Variants in MEGF8 observed in about 807,000 individuals in gnomAD.
MEGF8 encodes the protein multiple EGF like domains 8, also known as multiple epidermal growth factor-like domains protein 8.
Under a neutral mutation model 302.9 loss-of-function variants are expected in MEGF8, and 156 were observed. The observed-to-expected ratio is 0.52, with a 90% CI of 0.45 to 0.59. The LOEUF (loss-of-function observed/expected upper bound fraction) is 0.59. Among genes scored for constraint, MEGF8 ranks in the 20% least tolerant of loss-of-function variants. The pLI is 0.00. For synonymous variants in MEGF8, 1,621 were observed against 1,660.5 expected, an observed-to-expected ratio of 0.98 and a Z score of 0.58; for missense variants, 3,345 against 3,964.5, an observed-to-expected ratio of 0.84 and a Z score of 4.20.
chr19:42,344,068 G>A lies in MEGF8; in HGVS notation c.1783G>A (p.Gly595Arg). 6.2e-7 allele frequency: 1 copy of A among 1,613,180 alleles called. No homozygotes were observed. Among genetic ancestry groups the A allele is most frequent in the Non-Finnish European group, 8.5e-7 (1 of 1,179,626 alleles). The change falls in exon 10 of 42, where the codon GGG becomes AGG. Residue 595 changes from glycine (G) to arginine (R), a missense_variant. By Grantham distance (125) the Gly-to-Arg change is moderately radical. Transcript: ENST00000251268. The surrounding 1 kb of genome is among the most constrained non-coding windows in gnomAD (Gnocchi z 4.5). Reference sequence around the variant, plus strand: ...TGCACCCCCTCCTGGGACCCCCTTGGGGGCTGTGAGTGACAGCCCTAGACC... The same window carrying A: ...TGCACCCCCTCCTGGGACCCCCTTGAGGGCTGTGAGTGACAGCCCTAGACC... ...QAAPPPGTPL[G>R]ACPAASCLGL...
intron 1 of MEGF8, among the ~76,000 whole-genome samples, chr19:42,328,590 G>GTGTGTGTGTGTGTGTGTGTGTGTGTGT (rs57025235): frequency 6.6e-6 from 1 of 151,684 alleles, no homozygotes; most frequent in African/African-American, 2.4e-5. Context: ...GTGTGTGTGT[G>GTGTGTGTGTGTGTGTGTGTGTGTGTGT]GCGAAGGGGT....
rs1301438913 is a variant in MEGF8, at chr19:42,349,576, C to A, written c.2376C>A (p.Phe792Leu). 6.2e-7 allele frequency: 1 copy of A among 1,611,980 alleles called. No individual in the cohort carries two copies. Residue 792 changes from phenylalanine (F) to leucine (L), a missense_variant, in exon 14 of 42, where the codon TTC becomes TTA. Physicochemically the swap from Phe to Leu is conservative, Grantham distance 22. Coordinates refer to ENST00000251268, the MANE Select transcript of MEGF8 (RefSeq NM_001271938.2). ...AGCGCCCTGGGTCTGCTCGCCTCTTCCCTCTGCCTGGGCGGGACCACAAGT... is the reference window on the plus strand; with the variant it reads ...AGCGCCCTGGGTCTGCTCGCCTCTTACCTCTGCCTGGGCGGGACCACAAGT... ...RLQRPGSARL[F>L]PLPGRDHKYA...
Position 42,352,199 on chromosome 19 carries a change from A to G in MEGF8, c.3102-9A>G. 1 of 1,507,684 alleles carries G rather than the reference A, an allele frequency of 6.6e-7. No individual in the cohort carries two copies. Among genetic ancestry groups the G allele is most frequent in the South Asian group, 1.3e-5 (1 of 78,432 alleles). The allele number at this position is 1,507,684 out of a possible 1,614,324, so 93.4% of individuals were successfully genotyped here. A position where few individuals can be genotyped will look rare whatever the true frequency, so the allele number is the denominator to read the frequency against. The stretch of plus-strand genomic sequence containing the variant: ...TTGTCCCCCGCTTCTTCACTCTCCC[A>G]CCCTGCAGGTGCCTACAGGGGGACT... On this transcript the variant is annotated splice_polypyrimidine_tract_variant and intron_variant, in intron 18 of 41. Transcript: ENST00000251268. The surrounding 1 kb of genome is among the most constrained non-coding windows in gnomAD (Gnocchi z 4.4).
In MEGF8 at chr19:42,369,516, A is replaced by C; in HGVS notation, c.6642-15A>C. 1 of 1,598,466 alleles carries C rather than the reference A, an allele frequency of 6.3e-7. No homozygotes were observed. The highest frequency in any genetic ancestry group is 8.5e-7 in the Non-Finnish European group (1 of 1,174,422). On this transcript the variant is annotated splice_polypyrimidine_tract_variant and intron_variant, in intron 37 of 41. Coordinates refer to ENST00000251268, the MANE Select transcript of MEGF8 (RefSeq NM_001271938.2). This position sits in a 1 kb window ranked among gnomAD's most constrained non-coding sequence, Gnocchi z 5.7. ...AGGGTGGCCACCTGCCCTGACCCCC[A>C]CTTTGCCCCTGCAGCATGACAGGGC...
Position 42,371,388 on chromosome 19 carries a change from A to C in MEGF8, c.7175A>C (p.Gln2392Pro), listed in dbSNP as rs1225341191. ...GGCCACGCGGACACATGTAACGAGC[A>C]GGATGGGACGGGCTGTCCATGTCAG... ...CNGHADTCNE[Q>P]DGTGCPCQNN... The change falls in exon 41 of 42, where the codon CAG (glutamine) becomes CCG (proline). Residue 2392 changes from glutamine to proline, a missense_variant. Coordinates refer to ENST00000251268, the MANE Select transcript of MEGF8 (RefSeq NM_001271938.2). 6.2e-7 allele frequency: 1 copy of C among 1,613,874 alleles called. No individual in the cohort carries two copies. The highest frequency in any genetic ancestry group is 8.5e-7 in the Non-Finnish European group (1 of 1,179,896).
In MEGF8 at chr19:42,325,869, A is replaced by C; in HGVS notation, c.-375A>C. 5.3e-6 allele frequency: 1 copy of C among 190,374 alleles called. No homozygotes were observed. The highest frequency in any genetic ancestry group is 1.1e-5 in the Non-Finnish European group (1 of 93,826). The allele number at this position is 190,374 out of a possible 1,614,324, so 11.8% of individuals were successfully genotyped here. A position where few individuals can be genotyped will look rare whatever the true frequency, so the allele number is the denominator to read the frequency against. ...CCGTAGAGCCCTTCGCCCCCTGGGG[A>C]CCCACCCGTCTATAAGGTCCGTTTG... is the stretch of plus-strand genomic sequence containing the variant. On this transcript the variant is annotated 5_prime_UTR_variant, in exon 1 of 42. Transcript: ENST00000251268.
intron 41 of MEGF8, among the ~76,000 whole-genome samples, chr19:42,373,502 A>G (rs1228001041): frequency 6.6e-6 from 1 of 151,038 alleles, no homozygotes; most frequent in African/African-American, 2.4e-5. Flanking sequence ...CCTGGTTTCC[A>G]TCATCCTCCC....
chr19:42,347,645 A>G (rs1462974470), intron 12 of MEGF8, among the ~76,000 whole-genome samples: 1 of 151,936 alleles, frequency 6.6e-6, no homozygotes, highest in Non-Finnish European at 1.5e-5. Context: ...AGTGCACGCT[A>G]CCACTCCCGG....
At chr19:42,367,369 A>G (rs1413783594) in intron 35 of MEGF8, among the ~76,000 whole-genome samples, 1 of 150,952 alleles carries the variant, frequency 6.6e-6, no homozygotes, top group East Asian at 2.0e-4. Flanking sequence ...GCTCACTGCA[A>G]GCTCCACCTC....
chr19:42,335,918 C>T lies in MEGF8; in HGVS notation c.829-13C>T. ...CTGTGTCTCTACCTCTGTCTCTTTT[C>T]TCTTCCTCACAGGCTGCCCGTCACT... On this transcript the variant is annotated splice_polypyrimidine_tract_variant and intron_variant, in intron 5 of 41. Transcript: ENST00000251268. 5 of 1,454,598 alleles carry T rather than the reference C, an allele frequency of 3.4e-6. No individual in the cohort carries two copies. The highest frequency in any genetic ancestry group is 4.5e-6 in the Non-Finnish European group (5 of 1,104,378). The allele number at this position is 1,454,598 out of a possible 1,614,324, so 90.1% of individuals were successfully genotyped here. A position where few individuals can be genotyped will look rare whatever the true frequency, so the allele number is the denominator to read the frequency against.
chr19:42,347,361 G>A (rs1010823218), intron 12 of MEGF8, among the ~76,000 whole-genome samples: 17 of 144,164 alleles, frequency 1.2e-4, no homozygotes, highest in Admixed American at 6.5e-4. Context: ...CTATCGCCCA[G>A]GCTGGAGTGC....
Position 42,356,075 on chromosome 19 carries a change from T to C in MEGF8, c.4393-8T>C. On this transcript the variant is annotated splice_region_variant and splice_polypyrimidine_tract_variant and intron_variant, in intron 24 of 41. Coordinates refer to ENST00000251268, the MANE Select transcript of MEGF8 (RefSeq NM_001271938.2). The surrounding 1 kb of genome is among the most constrained non-coding windows in gnomAD (Gnocchi z 5.2). ...CAGGGCTCCCCTGAGTCCCTTGTCA[T>C]CCCCCAGAGCCTGGGTGTGTGCATC... 1 of 1,587,300 alleles carries C rather than the reference T, an allele frequency of 6.3e-7. No individual in the cohort carries two copies. The highest frequency in any genetic ancestry group is 8.6e-7 in the Non-Finnish European group (1 of 1,162,850).
chr19:42,368,539 G>A lies in MEGF8; in HGVS notation c.6358G>A (p.Gly2120Ser), dbSNP rs761041438. 1.2e-6 allele frequency: 2 copies of A among 1,604,548 alleles called. No individual in the cohort carries two copies. The highest frequency in any genetic ancestry group is 1.7e-6 in the Non-Finnish European group (2 of 1,176,404). The part of the protein sequence containing the change: ...LLRGPESCSL[G>S]CAQATQCALC... ...CCGGGGACCTGAGAGCTGCTCCCTG[G>A]GCTGTGCTCAGGCAACTCAGTGCGC... is the stretch of plus-strand genomic sequence containing the variant. Residue 2120 changes from glycine to serine, a missense_variant, in exon 36 of 42, where the codon GGC becomes AGC. Physicochemically the swap from Gly to Ser is moderately conservative, Grantham distance 56. Transcript: ENST00000251268. This position sits in a 1 kb window ranked among gnomAD's most constrained non-coding sequence, Gnocchi z 4.9.
At chr19:42,372,058 AAC>A (rs2039699134) in intron 41 of MEGF8, among the ~76,000 whole-genome samples, 1 of 149,138 alleles carries the variant, frequency 6.7e-6, no homozygotes, top group Non-Finnish European at 1.5e-5. Flanking sequence ...CAACAACAAC[AAC>A]AACAACAACA....
At chr19:42,361,278 T>G (rs2039528364) in intron 32 of MEGF8, among the ~76,000 whole-genome samples, 1 of 152,152 alleles carries the variant, frequency 6.6e-6, no homozygotes, top group Non-Finnish European at 1.5e-5. Context: ...GAAGTGAGGC[T>G]GAGACCGGAA....
chr19:42,348,430 C>A lies in MEGF8; in HGVS notation c.2256C>A (p.His752Gln), dbSNP rs566246088. The change falls in exon 13 of 42, where the codon CAC becomes CAA. Residue 752 changes from histidine (H) to glutamine (Q), a missense_variant. His to Gln is a conservative substitution (Grantham distance 24, BLOSUM62 0). Coordinates refer to ENST00000251268, the MANE Select transcript of MEGF8 (RefSeq NM_001271938.2). ...VAVWTRAQRL[H>Q]VLARMARGPD... ...TGTGGACGCGGGCCCAGCGCCTACA[C>A]GTCCTGGCCCGGATGGCCCGTGGCC... The A allele has an allele frequency of 6.5e-7, 1 of 1,531,958 alleles. No homozygotes were observed. The highest frequency in any genetic ancestry group is 2.5e-5 in the East Asian group (1 of 40,788). The allele number at this position is 1,531,958 out of a possible 1,614,324, so 94.9% of individuals were successfully genotyped here.
intron 35 of MEGF8, among the ~76,000 whole-genome samples, chr19:42,363,627 G>A (rs1022721447): frequency 2.6e-5 from 4 of 151,914 alleles, no homozygotes; most frequent in Non-Finnish European, 4.4e-5. Flanking sequence ...TCACATCCAC[G>A]ACTCTTAATG....
At chr19:42,362,045 G>C in intron 32 of MEGF8, 45 bp from the exon 33 acceptor site, 2 of 1,602,658 alleles carry the variant, frequency 1.2e-6, no homozygotes, top group Non-Finnish European at 1.7e-6. Context: ...GGCAGAAGGA[G>C]GGGGTCTGGA....
rs140588377 is a variant in MEGF8 at position 42,376,099 on chromosome 19, A to C, written c.7862A>C (p.Asp2621Ala). Residue 2621 changes from aspartate (D) to alanine (A), a missense_variant, in exon 42 of 42, where the codon GAC becomes GCC. Asp to Ala is a moderately radical substitution (Grantham distance 126). Coordinates refer to ENST00000251268, the MANE Select transcript of MEGF8 (RefSeq NM_001271938.2). This position sits in a 1 kb window ranked among gnomAD's most constrained non-coding sequence, Gnocchi z 8.2. ...RFYLLLLGVG[D>A]PSGPGANGSA... ...TACCTGCTGCTGCTGGGCGTGGGAG[A>C]CCCAAGTGGGCCCGGCGCCAACGGC... The C allele has an allele frequency of 8.7e-6, 14 of 1,606,188 alleles. No individual in the cohort carries two copies. The highest frequency in any genetic ancestry group is 1.1e-5 in the Non-Finnish European group (13 of 1,179,692).
Sources: gnomAD v4.1 joint callset for allele counts (sites outside exome capture counted in the v4.1 genomes callset) on GRCh38, gnomAD v4.1.1 for gene constraint, Gnocchi (gnomAD v3.1) non-coding constraint, MANE v1.5 for transcripts, NCBI Gene and HGNC (gene_info 2026-07-23, HGNC 2026-07-21) for gene names.